Variants in TIMP3 observed in about 807,000 individuals in gnomAD.
TIMP3 encodes the protein metalloproteinase inhibitor 3.
TIMP3 carries 11 observed loss-of-function variants against 30.0 expected under a neutral mutation model. The observed-to-expected ratio is 0.37, with a 90% CI of 0.23 to 0.61. TIMP3 has a LOEUF of 0.61. TIMP3 is among the 20% of genes least tolerant of loss of function. The probability of loss-of-function intolerance (pLI) is 0.70; values close to 1 mark genes in which losing one functional copy is unlikely to be tolerated. For missense variants in TIMP3, 181 were observed against 276.8 expected (o/e 0.65, Z 2.45); for synonymous variants, 112 against 111.3 (o/e 1.01, Z -0.04).
At chr22:32,858,211 C>G in intron 4 of TIMP3, 73 bp downstream of exon 4, 3 of 1,592,646 alleles carry the variant, frequency 1.9e-6, no homozygotes, top group Non-Finnish European at 2.6e-6. Context: ...GCTCCCAATG[C>G]ACTGGGTGCC....
chr22:32,802,763 T>C (rs1444834550), intron 1 of TIMP3, among the ~76,000 whole-genome samples: 3 of 152,090 alleles, frequency 2.0e-5, no homozygotes, highest in Admixed American at 2.0e-4. Context: ...TTTGAGAGTG[T>C]TGATAGCCAG....
At chr22:32,827,608 G>GC (rs130294) in intron 1 of TIMP3, among the ~76,000 whole-genome samples, 145,760 of 152,212 alleles carry the variant, frequency 0.96, 69,850 homozygotes, top group African/African-American at 0.99. Flanking sequence ...GCTTTTACAA[G>GC]CCACTCCCCT....
rs1298676565 is a variant in TIMP3 at position 32,837,951 on chromosome 22, TTC to T, written c.122-11497_122-11496del. 3.9e-5 allele frequency among the ~76,000 whole-genome samples: 6 copies of T among 152,262 alleles called. No homozygotes were observed. The East Asian group carries it at 1.2e-3, about 29-fold the overall frequency. Reference sequence around the variant, plus strand: ...AACCATGACCAGAAGGTCCTCTCCTTTCTCTTTCTCTTAACTGTCTCTAGTGA... The same window carrying T: ...AACCATGACCAGAAGGTCCTCTCCTTTCTTTCTCTTAACTGTCTCTAGTGA... On this transcript the variant is annotated intron_variant, in intron 1 of 4. Transcript: ENST00000266085. This position sits in a 1 kb window ranked among gnomAD's most constrained non-coding sequence, Gnocchi z 4.1.
chr22:32,857,228 T>C lies in TIMP3; in HGVS notation c.205-21T>C, dbSNP rs750374028. 14 of 1,583,154 alleles carry C rather than the reference T, an allele frequency of 8.8e-6. No individual in the cohort carries two copies. The South Asian group carries it at 1.5e-4, about 17-fold the overall frequency. On this transcript the variant is annotated intron_variant, in intron 2 of 4. Transcript: ENST00000266085. ...GTCCAAACTGGGAAAGAAGAAGTCA[T>C]GATGTTCCTTTTGCCCACAGATGTA...
chr22:32,854,688 A>G (rs2048314685), intron 2 of TIMP3, among the ~76,000 whole-genome samples: 3 of 152,188 alleles, frequency 2.0e-5, no homozygotes, highest in African/African-American at 7.2e-5. Flanking sequence ...AGAAGTCATC[A>G]TCGTGACTCT....
chr22:32,850,768 ATCTG>A (rs1472281641), intron 2 of TIMP3, among the ~76,000 whole-genome samples: 1 of 152,102 alleles, frequency 6.6e-6, no homozygotes, highest in East Asian at 1.9e-4. Context: ...GTGAATGCTT[ATCTG>A]TCTAATACGG....
intron 1 of TIMP3, among the ~76,000 whole-genome samples, chr22:32,828,463 G>A (rs1362198683): frequency 6.6e-6 from 1 of 152,230 alleles, no homozygotes; most frequent in African/African-American, 2.4e-5. Flanking sequence ...CCCTGGCTGG[G>A]TGCTGTGCAC....
chr22:32,811,324 A>G (rs991695753), intron 1 of TIMP3, among the ~76,000 whole-genome samples: 1 of 152,224 alleles, frequency 6.6e-6, no homozygotes, highest in African/African-American at 2.4e-5. Context: ...CCCTTAGTCT[A>G]TACAAGAGAC....
intron 1 of TIMP3, among the ~76,000 whole-genome samples, chr22:32,848,823 G>A (rs1454376918): frequency 5.9e-5 from 9 of 152,144 alleles, no homozygotes. Context: ...TGGCTCCTGA[G>A]CCCCGACTCC....
At chr22:32,812,808 A>G (rs2046950376) in intron 1 of TIMP3, among the ~76,000 whole-genome samples, 1 of 152,222 alleles carries the variant, frequency 6.6e-6, no homozygotes, top group Non-Finnish European at 1.5e-5. Flanking sequence ...GGCAGTCACT[A>G]TCTGCTCCCC....
chr22:32,848,255 C>A (rs995349964), intron 1 of TIMP3, among the ~76,000 whole-genome samples: 1 of 152,242 alleles, frequency 6.6e-6, no homozygotes, highest in African/African-American at 2.4e-5. Flanking sequence ...CTTTTGTATT[C>A]ATAGTTAACT....
intron 1 of TIMP3, among the ~76,000 whole-genome samples, chr22:32,830,205 C>A (rs1293512332): frequency 6.6e-6 from 1 of 152,186 alleles, no homozygotes; most frequent in Non-Finnish European, 1.5e-5. Flanking sequence ...GCCCTCTAGC[C>A]TCTTCACTGT....
chr22:32,858,298 G>C (rs1298406800), intron 4 of TIMP3, among the ~76,000 whole-genome samples, 160 bp downstream of exon 4: 2 of 152,194 alleles, frequency 1.3e-5, no homozygotes, highest in Non-Finnish European at 2.9e-5. Context: ...AGTAAGGATT[G>C]TTGCCCCAGG....
intron 1 of TIMP3, among the ~76,000 whole-genome samples, chr22:32,808,803 C>T (rs1452451877): frequency 6.6e-6 from 1 of 152,192 alleles, no homozygotes; most frequent in Non-Finnish European, 1.5e-5. Context: ...AACACCATCT[C>T]TAGTAAAACC....
chr22:32,827,419 G>C (rs1017034681), intron 1 of TIMP3, among the ~76,000 whole-genome samples: 4 of 152,170 alleles, frequency 2.6e-5, no homozygotes, highest in Admixed American at 6.5e-5. Flanking sequence ...CAAATACCCT[G>C]GTGCCAGTCC....
At chr22:32,858,999 T>C (rs1444234101) in intron 4 of TIMP3, 181 bp from the exon 5 acceptor site, 1 of 677,980 alleles carries the variant, frequency 1.5e-6, no homozygotes, top group African/African-American at 1.8e-5. Flanking sequence ...AAAGCACTTA[T>C]CAGAATGTCT....
rs1461797506 is a variant in TIMP3, at chr22:32,860,691, G to C, written c.*1314G>C. 2.0e-5 allele frequency: 3 copies of C among 152,538 alleles called. No individual in the cohort carries two copies. Among genetic ancestry groups the C allele is most frequent in the Admixed American group, 2.0e-4 (3 of 15,308 alleles). The allele number at this position is 152,538 out of a possible 1,614,324, so 9.4% of individuals were successfully genotyped here. On this transcript the variant is annotated 3_prime_UTR_variant, in exon 5 of 5. Transcript: ENST00000266085. ...TCCTGGCTTAGCTCAGATGGCAGATGAGAGTGTAGTCAAGGGCCTGGGCAC... is the reference window on the plus strand; with the variant it reads ...TCCTGGCTTAGCTCAGATGGCAGATCAGAGTGTAGTCAAGGGCCTGGGCAC...
intron 2 of TIMP3, among the ~76,000 whole-genome samples, chr22:32,856,498 G>A (rs1043060449): frequency 2.6e-5 from 4 of 152,068 alleles, no homozygotes; most frequent in African/African-American, 4.8e-5. Context: ...AGCCTTCTGG[G>A]TACTGAGACT....
chr22:32,823,168 A>T (rs2047302049), intron 1 of TIMP3, among the ~76,000 whole-genome samples: 1 of 152,222 alleles, frequency 6.6e-6, no homozygotes, highest in Admixed American at 6.5e-5. Context: ...TTTTGGGTCT[A>T]GAGCATCATG....
Sources: gnomAD v4.1 joint callset for allele counts (sites outside exome capture counted in the v4.1 genomes callset) on GRCh38, gnomAD v4.1.1 for gene constraint, Gnocchi (gnomAD v3.1) non-coding constraint, MANE v1.5 for transcripts, NCBI Gene and HGNC (gene_info 2026-07-23, HGNC 2026-07-21) for gene names.